The following PDGFD variants were observed in gnomAD, a reference collection of about 807,000 sequenced individuals.
PDGFD encodes the protein platelet-derived growth factor D.
PDGFD carries 30 observed loss-of-function variants against 44.7 expected under a neutral mutation model. The observed-to-expected ratio is 0.67, with a 90% CI of 0.50 to 0.91. PDGFD has a LOEUF of 0.91. PDGFD is among the 40% of genes least tolerant of loss of function. The pLI is 0.00. For synonymous variants in PDGFD, 173 were observed against 168.4 expected (o/e 1.03, Z -0.21); for missense variants, 445 against 457.8 (o/e 0.97, Z 0.25).
intron 1 of PDGFD, among the ~76,000 whole-genome samples, chr11:104,120,769 C>T (rs376097633): frequency 3.3e-5 from 5 of 151,888 alleles, no homozygotes; most frequent in South Asian, 2.1e-4. Context: ...TCCCACTATC[C>T]TGTCACAAGG....
intron 3 of PDGFD, among the ~76,000 whole-genome samples, chr11:103,961,504 G>T (rs1858935015): frequency 6.6e-6 from 1 of 152,080 alleles, no homozygotes. Context: ...GAAGGAGAAA[G>T]CATGCACTAA....
At chr11:103,986,784 A>G (rs1380871354) in intron 3 of PDGFD, among the ~76,000 whole-genome samples, 2 of 152,222 alleles carry the variant, frequency 1.3e-5, no homozygotes, top group Non-Finnish European at 2.9e-5. Flanking sequence ...TAGCCACAAG[A>G]TTAGAAATTA....
At chr11:103,941,679 C>T (rs907558624) in intron 5 of PDGFD, among the ~76,000 whole-genome samples, 2 of 151,878 alleles carry the variant, frequency 1.3e-5, no homozygotes, top group Non-Finnish European at 2.9e-5. Context: ...GAATCCAGGC[C>T]TCCTGCCTCC....
intron 1 of PDGFD, among the ~76,000 whole-genome samples, chr11:104,085,549 C>T (rs361277): frequency 0.47 from 71,815 of 151,888 alleles, 18,896 homozygotes; most frequent in African/African-American, 0.72. Flanking sequence ...ACATTTTCCA[C>T]GTTAGAAATT....
chr11:104,159,903 A>G (rs1862365052), intron 1 of PDGFD, among the ~76,000 whole-genome samples: 1 of 152,214 alleles, frequency 6.6e-6, no homozygotes, highest in Admixed American at 6.5e-5. Flanking sequence ...ATAAAATGAT[A>G]TTATCCATGG....
intron 1 of PDGFD, among the ~76,000 whole-genome samples, chr11:104,005,045 A>G (rs933970084): frequency 1.3e-5 from 2 of 151,708 alleles, no homozygotes; most frequent in Non-Finnish European, 2.9e-5. Flanking sequence ...TGCCCAGCTA[A>G]TTTTTGTATT....
intron 1 of PDGFD, chr11:104,036,761 G>A (rs2134394419): frequency 4.3e-6 from 6 of 1,381,474 alleles, no homozygotes; most frequent in Non-Finnish European, 5.1e-6. Context: ...ACGCAGGCCC[G>A]CCCCAGCCCG....
intron 1 of PDGFD, among the ~76,000 whole-genome samples, chr11:104,058,906 A>G (rs1025869439): frequency 3.9e-5 from 6 of 152,236 alleles, no homozygotes; most frequent in African/African-American, 1.4e-4. Context: ...GCATGATTCC[A>G]TTATATGATA....
intron 3 of PDGFD, among the ~76,000 whole-genome samples, chr11:103,956,477 T>A (rs1179472783): frequency 9.2e-6 from 1 of 109,228 alleles, no homozygotes; most frequent in Admixed American, 7.9e-5. Context: ...GACATTTGGG[T>A]TGGTTCCAAG....
intron 3 of PDGFD, among the ~76,000 whole-genome samples, chr11:103,986,270 G>A (rs1675753105): frequency 6.6e-6 from 1 of 152,152 alleles, no homozygotes; most frequent in African/African-American, 2.4e-5. Flanking sequence ...CAGTTAGAAT[G>A]GCTGAATCTT....
intron 1 of PDGFD, among the ~76,000 whole-genome samples, chr11:104,115,828 A>G (rs361285): frequency 0.025 from 3,871 of 152,046 alleles, 178 homozygotes; most frequent in African/African-American, 0.088. Context: ...GGCCATTTGT[A>G]TATCTTCTTT....
chr11:104,058,703 G>A (rs745854851), intron 1 of PDGFD, among the ~76,000 whole-genome samples: 7 of 152,180 alleles, frequency 4.6e-5, no homozygotes, highest in Admixed American at 2.6e-4. Context: ...AGCTTTATCC[G>A]TAATAACTAA....
At chr11:103,967,454 C>T (rs1001373024) in intron 3 of PDGFD, among the ~76,000 whole-genome samples, 4 of 152,200 alleles carry the variant, frequency 2.6e-5, no homozygotes, top group Admixed American at 6.5e-5. Context: ...CATTCTGTGA[C>T]TCTGCTCTCC....
intron 6 of PDGFD, among the ~76,000 whole-genome samples, chr11:103,916,992 C>CG (rs1381348087): frequency 6.6e-6 from 1 of 151,690 alleles, no homozygotes; most frequent in Non-Finnish European, 1.5e-5. Flanking sequence ...ATGTAGATGA[C>CG]GGGTTGATGG....
At position 104,153,715 on chromosome 11, in the gene PDGFD, G is replaced by GT. The variant is rs1164814532; in HGVS notation, c.124+10088dup. Among the ~76,000 whole-genome samples the GT allele has an allele frequency of 8.5e-5, 13 of 152,188 alleles. 1 individual carries two copies. The highest frequency in any genetic ancestry group is 8.5e-4 in the Admixed American group (13 of 15,264). Reference sequence around the variant, plus strand: ...ATTACTTCACATGATTATTTACTGAGTTGGAGAGTTTAATTACCAGTGTGA... The same window carrying GT: ...ATTACTTCACATGATTATTTACTGAGTTTGGAGAGTTTAATTACCAGTGTGA... On this transcript the variant is annotated intron_variant, in intron 1 of 6. Coordinates refer to ENST00000393158, the MANE Select transcript of PDGFD (RefSeq NM_025208.5).
At chr11:103,971,547 GAGA>G (rs568928838) in intron 3 of PDGFD, among the ~76,000 whole-genome samples, 4 of 152,022 alleles carry the variant, frequency 2.6e-5, no homozygotes, top group Non-Finnish European at 4.4e-5. Context: ...TGTGTATACA[GAGA>G]AGAACTATCT....
chr11:104,152,576 T>C (rs1008494400), intron 1 of PDGFD, among the ~76,000 whole-genome samples: 2 of 152,194 alleles, frequency 1.3e-5, no homozygotes, highest in Admixed American at 6.6e-5. Flanking sequence ...AGGAATTTTA[T>C]GTAAATGTAC....
At chr11:104,111,041 C>G (rs937077661) in intron 1 of PDGFD, among the ~76,000 whole-genome samples, 1 of 151,942 alleles carries the variant, frequency 6.6e-6, no homozygotes, top group Non-Finnish European at 1.5e-5. Context: ...AATGTTCTGA[C>G]AGTGGTTATT....
intron 1 of PDGFD, among the ~76,000 whole-genome samples, chr11:104,011,814 T>C (rs955419512): frequency 2.0e-5 from 3 of 152,012 alleles, no homozygotes; most frequent in Admixed American, 6.6e-5. Context: ...AATGTAAATA[T>C]ACTAAAAAAA....
Sources: gnomAD v4.1 joint callset for allele counts (sites outside exome capture counted in the v4.1 genomes callset) on GRCh38, gnomAD v4.1.1 for gene constraint, MANE v1.5 for transcripts, NCBI Gene and HGNC (gene_info 2026-07-23, HGNC 2026-07-21) for gene names.